TNKS: variants seen among roughly 807,000 people sequenced by gnomAD.
The protein encoded by TNKS is poly [ADP-ribose] polymerase tankyrase-1.
TNKS carries 72 observed loss-of-function variants against 135.8 expected under a neutral mutation model. The observed-to-expected ratio is 0.53, with a 90% CI of 0.44 to 0.64. The LOEUF (loss-of-function observed/expected upper bound fraction) is 0.64. Among genes scored for constraint, TNKS ranks in the 30% least tolerant of loss-of-function variants. The pLI is 0.00. For synonymous variants in TNKS, 849 were observed against 649.3 expected, an observed-to-expected ratio of 1.31 and a Z score of -4.68; for missense variants, 1,769 against 1,674.0, an observed-to-expected ratio of 1.06 and a Z score of -0.99.
chr8:9,681,682 G>A (rs1563164368), intron 5 of TNKS, among the ~76,000 whole-genome samples: 1 of 152,076 alleles, frequency 6.6e-6, no homozygotes. Flanking sequence ...CAGTGAAAAT[G>A]TTACGGCAAA....
At chr8:9,767,901 G>T (rs1807561251) in intron 25 of TNKS, among the ~76,000 whole-genome samples, 1 of 150,118 alleles carries the variant, frequency 6.7e-6, no homozygotes, top group South Asian at 2.1e-4. Flanking sequence ...GGAGGTTGCA[G>T]TGAGCCGAGA....
intron 3 of TNKS, among the ~76,000 whole-genome samples, chr8:9,664,447 A>G (rs1801892603): frequency 6.6e-6 from 1 of 152,220 alleles, no homozygotes. Flanking sequence ...ACCTCTTACT[A>G]GGTCCCACCT....
At chr8:9,764,501 CTCTT>C (rs1807320682) in intron 22 of TNKS, among the ~76,000 whole-genome samples, 1 of 152,088 alleles carries the variant, frequency 6.6e-6, no homozygotes, top group Non-Finnish European at 1.5e-5. Flanking sequence ...TTACAGAAAA[CTCTT>C]TCAGAACTTT....
At chr8:9,671,444 A>G (rs557145831) in intron 3 of TNKS, among the ~76,000 whole-genome samples, 2 of 152,370 alleles carry the variant, frequency 1.3e-5, no homozygotes, top group East Asian at 1.9e-4. Flanking sequence ...CAAAGTACCG[A>G]TATGTCCAAC....
At chr8:9,603,768 A>G (rs34516236) in intron 2 of TNKS, among the ~76,000 whole-genome samples, 1,750 of 152,318 alleles carry the variant, frequency 0.011, 22 homozygotes, top group African/African-American at 0.04. Flanking sequence ...ACCATTGTGC[A>G]TCAAAGAAAT....
chr8:9,714,250 T>C (rs916185315), intron 11 of TNKS, among the ~76,000 whole-genome samples: 1 of 152,100 alleles, frequency 6.6e-6, no homozygotes, highest in African/African-American at 2.4e-5. Flanking sequence ...TCCTCCACTT[T>C]CTAGTTTTGT....
chr8:9,571,986 G>C (rs1280490845), intron 1 of TNKS, among the ~76,000 whole-genome samples: 1 of 152,060 alleles, frequency 6.6e-6, no homozygotes, highest in African/African-American at 2.4e-5. Flanking sequence ...TCCCAGACTT[G>C]GTTAAGTTTT....
chr8:9,717,644 A>G (rs1038008831), intron 11 of TNKS, among the ~76,000 whole-genome samples: 3 of 152,118 alleles, frequency 2.0e-5, no homozygotes, highest in African/African-American at 7.2e-5. Context: ...CCATTTTCAA[A>G]TATCTGTTTA....
At position 9,589,443 on chromosome 8, in the gene TNKS, AC is replaced by A. The variant is rs1161111804; in HGVS notation, c.898+9062del. ...AAAACCAAGAATTTTGAAGTAAACA[AC>A]CAAGCCAGCTCCAAGAACTTTAGCA... On this transcript the variant is annotated intron_variant, in intron 2 of 26. Coordinates refer to ENST00000310430, the MANE Select transcript of TNKS (RefSeq NM_003747.3). Among the ~76,000 whole-genome samples the A allele has an allele frequency of 2.2e-4, 33 of 152,358 alleles. 1 individual carries two copies. The highest frequency in any genetic ancestry group is 7.7e-4 in the African/African-American group (32 of 41,580).
intron 11 of TNKS, among the ~76,000 whole-genome samples, chr8:9,713,955 GTTT>G (rs1804463287): frequency 6.6e-6 from 1 of 152,210 alleles, no homozygotes; most frequent in South Asian, 2.1e-4. Context: ...AGCAGCACCA[GTTT>G]TTAATTAGGA....
intron 1 of TNKS, chr8:9,575,389 A>T (rs1797909274): frequency 1.0e-6 from 1 of 985,242 alleles, no homozygotes; most frequent in African/African-American, 1.7e-5. Flanking sequence ...TAATTTTTTA[A>T]GAGGAACAAG....
At chr8:9,617,743 A>G (rs1037343749) in intron 3 of TNKS, among the ~76,000 whole-genome samples, 5 of 152,216 alleles carry the variant, frequency 3.3e-5, no homozygotes, top group African/African-American at 1.2e-4. Flanking sequence ...GTTATTAGAG[A>G]TCATTCTGAG....
intron 26 of TNKS, chr8:9,772,446 A>C (rs1468125111): frequency 2.2e-6 from 1 of 453,876 alleles, no homozygotes; most frequent in Non-Finnish European, 4.4e-6. Flanking sequence ...AAAATGAGGA[A>C]TGTTTTACTT....
intron 3 of TNKS, among the ~76,000 whole-genome samples, chr8:9,654,142 T>C (rs1347452506): frequency 6.6e-6 from 1 of 152,190 alleles, no homozygotes; most frequent in African/African-American, 2.4e-5. Flanking sequence ...GTGTGATGAT[T>C]AGCCAGAAGT....
At chr8:9,581,524 C>G (rs1467333966) in intron 2 of TNKS, among the ~76,000 whole-genome samples, 1 of 152,214 alleles carries the variant, frequency 6.6e-6, no homozygotes, top group Admixed American at 6.5e-5. Context: ...CATCCTCTCT[C>G]TGACTACAAA....
chr8:9,782,120 G>A lies in TNKS; in HGVS notation c.*5384G>A, dbSNP rs762900547. On this transcript the variant is annotated 3_prime_UTR_variant, in exon 27 of 27. Coordinates refer to ENST00000310430, the MANE Select transcript of TNKS (RefSeq NM_003747.3). ...GGTCATGGGAAATCACCTACAGCAT[G>A]TTAAAGTCCTCTAGTCATCATCTCG... The A allele has an allele frequency of 3.0e-4, 45 of 152,508 alleles. No individual in the cohort carries two copies. The highest frequency in any genetic ancestry group is 2.2e-4 in the Non-Finnish European group (15 of 68,044). The allele number at this position is 152,508 out of a possible 1,614,324, so 9.4% of individuals were successfully genotyped here.
intron 15 of TNKS, 121 bp downstream of exon 15, chr8:9,733,565 T>C: frequency 1.3e-6 from 1 of 792,142 alleles, no homozygotes; most frequent in Non-Finnish European, 2.0e-6. Context: ...ACTGCTCTCA[T>C]TTTCTATTTC....
At chr8:9,624,881 CTAA>C (rs1800000259) in intron 3 of TNKS, among the ~76,000 whole-genome samples, 1 of 152,048 alleles carries the variant, frequency 6.6e-6, no homozygotes, top group Non-Finnish European at 1.5e-5. Context: ...GTTATAATAA[CTAA>C]TACCAAGTCA....
chr8:9,556,289 C>A lies in TNKS; in HGVS notation c.350C>A (p.Ala117Asp), dbSNP rs963339036. ...TCTACTTCATCTGCCGCTGGGGTCG[C>A]TCCCAACCCAGCCGGCAGTGGCAGT... ...AVSTSSAAGVAPNPAGSGSNN... is the reference protein window; with the variant it reads ...AVSTSSAAGVDPNPAGSGSNN... The change falls in exon 1 of 27, where the codon GCT (alanine) becomes GAT (aspartate). Residue 117 changes from alanine (A) to aspartate (D), a missense_variant. Ala to Asp is a moderately radical substitution (Grantham distance 126). Coordinates refer to ENST00000310430, the MANE Select transcript of TNKS (RefSeq NM_003747.3). The A allele has an allele frequency of 5.0e-6, 8 of 1,614,148 alleles. No homozygotes were observed. In the African/African-American group the frequency reaches 8.0e-5, roughly 16 times the overall value.
Sources: gnomAD v4.1 joint callset for allele counts (sites outside exome capture counted in the v4.1 genomes callset) on GRCh38, gnomAD v4.1.1 for gene constraint, MANE v1.5 for transcripts, NCBI Gene and HGNC (gene_info 2026-07-23, HGNC 2026-07-21) for gene names.